Variants in MGAT5 observed in about 807,000 individuals in gnomAD.
The protein encoded by MGAT5 is alpha-1,6-mannosylglycoprotein 6-beta-N-acetylglucosaminyltransferase, also known as alpha-1,6-mannosylglycoprotein 6-beta-N-acetylglucosaminyltransferase A.
Under a neutral mutation model 94.3 loss-of-function variants are expected in MGAT5, and 30 were observed. That is an observed-to-expected ratio of 0.32 (90% CI 0.24 to 0.43). The LOEUF is 0.43. MGAT5 is among the 20% of genes least tolerant of loss of function. MGAT5 has a pLI of 1.00. For synonymous variants in MGAT5, 310 were observed against 322.9 expected (o/e 0.96, Z 0.43); for missense variants, 691 against 905.5 (o/e 0.76, Z 3.04).
At chr2:134,222,557 A>AG (rs1680837434) in intron 1 of MGAT5, among the ~76,000 whole-genome samples, 1 of 152,266 alleles carries the variant, frequency 6.6e-6, no homozygotes, top group African/African-American at 2.4e-5. Context: ...ATTAAATGCA[A>AG]AAAGTGCCTG....
intron 1 of MGAT5, among the ~76,000 whole-genome samples, chr2:134,247,291 C>G (rs939020072): frequency 4.2e-5 from 6 of 143,900 alleles, no homozygotes; most frequent in Admixed American, 7.3e-5. Flanking sequence ...CAACTCTCAT[C>G]TGGCATTTAA....
chr2:134,356,391 C>T (rs940033022), intron 9 of MGAT5, among the ~76,000 whole-genome samples: 1 of 152,076 alleles, frequency 6.6e-6, no homozygotes, highest in Non-Finnish European at 1.5e-5. Context: ...GCTGACTAAG[C>T]CTAAGTATTT....
chr2:134,236,324 G>A (rs1240833357), intron 1 of MGAT5, among the ~76,000 whole-genome samples: 1 of 152,162 alleles, frequency 6.6e-6, no homozygotes, highest in Non-Finnish European at 1.5e-5. Context: ...ATGAGACCCA[G>A]TTTAGGCCAC....
At chr2:134,145,214 C>CTGTGTGTGTGTG (rs59065013) in intron 1 of MGAT5, among the ~76,000 whole-genome samples, 4,265 of 143,814 alleles carry the variant, frequency 0.03, 231 homozygotes, top group African/African-American at 0.1. Context: ...GTCTCTCTCT[C>CTGTGTGTGTGTG]TGTGTGTGTG....
intron 4 of MGAT5, among the ~76,000 whole-genome samples, chr2:134,325,046 T>C (rs1687561798): frequency 6.6e-6 from 1 of 152,098 alleles, no homozygotes; most frequent in East Asian, 1.9e-4. Flanking sequence ...AGAACAGTAT[T>C]TGTTAGTCAG....
At chr2:134,163,506 C>T (rs910139619) in intron 1 of MGAT5, among the ~76,000 whole-genome samples, 2 of 152,110 alleles carry the variant, frequency 1.3e-5, no homozygotes, top group South Asian at 2.1e-4. Context: ...GTTAGCAATT[C>T]GACTGGCTGT....
intron 1 of MGAT5, among the ~76,000 whole-genome samples, chr2:134,129,865 CCGCTGCACTGTGGG>C (rs1295858378): frequency 1.3e-5 from 2 of 152,204 alleles, no homozygotes; most frequent in Non-Finnish European, 2.9e-5. Context: ...CTTCAGCCCG[CCGCTGCACTGTGGG>C]AGCCCCTCTC....
In MGAT5 at chr2:134,120,337, A is replaced by AT. The variant is rs1685504929; in HGVS notation, c.-143+47dup. 4 of 388,016 alleles carry AT rather than the reference A, an allele frequency of 1.0e-5. No individual in the cohort carries two copies. The East Asian group carries it at 1.5e-4, about 14-fold the overall frequency. 24.0% of individuals were successfully genotyped at this position (388,016 alleles called of 1,614,324 possible). A position where few individuals can be genotyped will look rare whatever the true frequency, so the allele number is the denominator to read the frequency against. ...GTGATCGCGTCGGAGGGAGCTCGTC[A>AT]TCCCCGCGGGGTGATGCGCGCAGAG... On this transcript the variant is annotated intron_variant, in intron 1 of 16. Transcript: ENST00000409645.
intron 1 of MGAT5, among the ~76,000 whole-genome samples, chr2:134,248,708 C>T (rs1438011969): frequency 6.6e-6 from 1 of 151,682 alleles, no homozygotes; most frequent in Non-Finnish European, 1.5e-5. Context: ...GAATGTGGCG[C>T]ATGGGATGGT....
intron 11 of MGAT5, 83 bp downstream of exon 11, chr2:134,403,220 C>T (rs1574025436): frequency 7.2e-7 from 1 of 1,389,060 alleles, no homozygotes. Flanking sequence ...GCTTGTTTTT[C>T]AATGCTGCAA....
chr2:134,319,831 G>A, intron 4 of MGAT5: 1 of 324,284 alleles, frequency 3.1e-6, no homozygotes, highest in Non-Finnish European at 6.1e-6. Context: ...GTCTATAGCA[G>A]TCATCCCAGT....
At chr2:134,392,488 A>G (rs1682469345) in intron 10 of MGAT5, among the ~76,000 whole-genome samples, 1 of 152,164 alleles carries the variant, frequency 6.6e-6, no homozygotes, top group South Asian at 2.1e-4. Context: ...CTCAATCTGT[A>G]CACCTCAAAC....
intron 1 of MGAT5, among the ~76,000 whole-genome samples, chr2:134,263,405 C>T (rs1683464072): frequency 1.3e-5 from 2 of 152,210 alleles, no homozygotes; most frequent in African/African-American, 2.4e-5. Flanking sequence ...GAAAAACATT[C>T]GCTTCTGGGC....
chr2:134,323,888 T>C (rs937857744), intron 4 of MGAT5, among the ~76,000 whole-genome samples: 2 of 152,110 alleles, frequency 1.3e-5, no homozygotes, highest in African/African-American at 4.8e-5. Flanking sequence ...GGCAGTTCAT[T>C]TTCTGTATCT....
rs145133309 is a variant in MGAT5 at position 134,145,512 on chromosome 2, C to T, written c.-143+25221C>T. On this transcript the variant is annotated intron_variant, in intron 1 of 16. Coordinates refer to the MGAT5 transcript ENST00000409645. ...AGTGAGCCGAGGTTGTGCCACTGCA[C>T]TCCAGCCTGGGCGACAGAGCGAGAC... 5.3e-5 allele frequency among the ~76,000 whole-genome samples: 8 copies of T among 152,344 alleles called. No individual in the cohort carries two copies. The East Asian group carries it at 1.5e-3, about 29-fold the overall frequency.
chr2:134,419,927 A>T (rs1412854364), intron 12 of MGAT5, among the ~76,000 whole-genome samples: 2 of 152,180 alleles, frequency 1.3e-5, no homozygotes, highest in Non-Finnish European at 2.9e-5. Context: ...TCTCCAGGCC[A>T]CAAAATGAAA....
chr2:134,415,479 G>A (rs963981868), intron 12 of MGAT5, among the ~76,000 whole-genome samples: 2 of 152,062 alleles, frequency 1.3e-5, no homozygotes, highest in African/African-American at 2.4e-5. Context: ...GGTTTTTTCC[G>A]CAGTTGAGTT....
intron 5 of MGAT5, among the ~76,000 whole-genome samples, chr2:134,336,864 A>C (rs1688363768): frequency 1.3e-5 from 2 of 152,196 alleles, no homozygotes; most frequent in African/African-American, 4.8e-5. Context: ...GGAAGGTAGG[A>C]AGGGGACTGT....
intron 10 of MGAT5, among the ~76,000 whole-genome samples, chr2:134,384,714 G>A (rs918811335): frequency 1.2e-4 from 18 of 152,144 alleles, no homozygotes; most frequent in African/African-American, 4.3e-4. Context: ...CAGATTCAAA[G>A]TGATAGAATT....
Sources: allele counts gnomAD v4.1 joint callset (sites outside exome capture counted in the v4.1 genomes callset), GRCh38; gene constraint gnomAD v4.1.1; transcripts MANE v1.5; gene names NCBI Gene and HGNC (gene_info 2026-07-23, HGNC 2026-07-21).